Variants in DENND1A observed in about 807,000 individuals in gnomAD.
DENND1A encodes the protein DENN domain containing 1A.
Under a neutral mutation model 113.7 loss-of-function variants are expected in DENND1A, and 51 were observed. That is an observed-to-expected ratio of 0.45 (90% CI 0.36 to 0.57). The LOEUF (loss-of-function observed/expected upper bound fraction) is 0.57, where lower values mean the gene tolerates loss of function less well. Among genes scored for constraint, DENND1A ranks in the 20% least tolerant of loss-of-function variants. The pLI is 0.00. For synonymous variants in DENND1A, 565 were observed against 570.8 expected, an observed-to-expected ratio of 0.99 and a Z score of 0.14; for missense variants, 1,258 against 1,395.9, an observed-to-expected ratio of 0.90 and a Z score of 1.57.
chr9:123,607,443 G>C (rs1485009326), intron 11 of DENND1A, among the ~76,000 whole-genome samples: 1 of 143,920 alleles, frequency 6.9e-6, no homozygotes, highest in Admixed American at 6.8e-5. Context: ...ACAGTGGAAG[G>C]GGAGTGGAGT....
intron 13 of DENND1A, among the ~76,000 whole-genome samples, chr9:123,543,904 CAG>C (rs2056466370): frequency 2.0e-5 from 2 of 99,878 alleles, no homozygotes; most frequent in Admixed American, 1.7e-4. Context: ...TCTTATTTGT[CAG>C]TGTGTGTGCA....
chr9:123,713,108 C>G (rs1452936657), intron 5 of DENND1A, among the ~76,000 whole-genome samples: 1 of 152,150 alleles, frequency 6.6e-6, no homozygotes, highest in Non-Finnish European at 1.5e-5. Flanking sequence ...CAGAAAATCC[C>G]TGACCGAGAG....
At chr9:123,768,835 C>G (rs934761465) in intron 4 of DENND1A, among the ~76,000 whole-genome samples, 6 of 148,516 alleles carry the variant, frequency 4.0e-5, no homozygotes, top group African/African-American at 1.5e-4. Context: ...TTATCATTAA[C>G]CAGTGGCTCG....
rs937440343 is a variant in DENND1A, at chr9:123,422,937, G to A, written c.1489-11108C>T. On this transcript the variant is annotated intron_variant, in intron 19 of 23. Coordinates refer to ENST00000394215, the MANE Select transcript of DENND1A (RefSeq NM_001352964.2). This position sits in a 1 kb window ranked among gnomAD's most constrained non-coding sequence, Gnocchi z 4.8. ...CAGTTCGACTGCCTTATTAAACACC[G>A]CCAGGATCCTAACGAAGACCAACTG... Among the ~76,000 whole-genome samples, 1 of 152,172 alleles carries A rather than the reference G, an allele frequency of 6.6e-6. No homozygotes were observed. Among genetic ancestry groups the A allele is most frequent in the African/African-American group, 2.4e-5 (1 of 41,436 alleles).
At chr9:123,841,423 T>C (rs1049128992) in intron 2 of DENND1A, among the ~76,000 whole-genome samples, 1 of 152,226 alleles carries the variant, frequency 6.6e-6, no homozygotes, top group Non-Finnish European at 1.5e-5. Flanking sequence ...AATTACCTAA[T>C]TTTCAGTGTT....
At chr9:123,847,736 A>G (rs1235088480) in intron 2 of DENND1A, among the ~76,000 whole-genome samples, 1 of 152,170 alleles carries the variant, frequency 6.6e-6, no homozygotes, top group Admixed American at 6.5e-5. Context: ...GGAGTTTGAG[A>G]CCTGCCTGGC....
At chr9:123,497,813 CAAAAAAAAA>C (rs755257150) in intron 13 of DENND1A, among the ~76,000 whole-genome samples, 12 of 101,776 alleles carry the variant, frequency 1.2e-4, no homozygotes, top group East Asian at 8.4e-4. Context: ...CTCTTCCATC[CAAAAAAAAA>C]AAAAAAAAAG....
At chr9:123,437,332 C>A (rs2132266486) in intron 19 of DENND1A, among the ~76,000 whole-genome samples, 1 of 152,354 alleles carries the variant, frequency 6.6e-6, no homozygotes, top group East Asian at 1.9e-4. Context: ...CTGGCAGTAG[C>A]AGCTCTTGCC....
Position 123,422,032 on chromosome 9 carries a change from C to T in DENND1A, c.1489-10203G>A, listed in dbSNP as rs891162883. On this transcript the variant is annotated intron_variant, in intron 19 of 23. Coordinates refer to ENST00000394215, the MANE Select transcript of DENND1A (RefSeq NM_001352964.2). The surrounding 1 kb of genome is among the most constrained non-coding windows in gnomAD (Gnocchi z 4.8). ...CCTGCATCCCTCACGACTCTGTTCCCTTCCCCCAGAAGTTCTCTCTCTATT... is the reference window on the plus strand; with the variant it reads ...CCTGCATCCCTCACGACTCTGTTCCTTTCCCCCAGAAGTTCTCTCTCTATT... Among the ~76,000 whole-genome samples the T allele has an allele frequency of 1.3e-5, 2 of 152,212 alleles. No individual in the cohort carries two copies. The highest frequency in any genetic ancestry group is 4.8e-5 in the African/African-American group (2 of 41,442).
At chr9:123,491,261 C>T (rs2133976805) in intron 13 of DENND1A, among the ~76,000 whole-genome samples, 1 of 152,332 alleles carries the variant, frequency 6.6e-6, no homozygotes, top group South Asian at 2.1e-4. Flanking sequence ...GCAAAAGAGG[C>T]TATCTGTGTG....
intron 13 of DENND1A, among the ~76,000 whole-genome samples, chr9:123,522,621 C>T (rs996550095): frequency 6.6e-6 from 1 of 152,240 alleles, no homozygotes; most frequent in African/African-American, 2.4e-5. Flanking sequence ...GTCCATACTT[C>T]ACACCAAAGT....
At chr9:123,407,048 G>C (rs1028155247) in intron 20 of DENND1A, among the ~76,000 whole-genome samples, 7 of 152,118 alleles carry the variant, frequency 4.6e-5, no homozygotes, top group Admixed American at 4.6e-4. Context: ...TGAGCTGTCA[G>C]AGTGCCGCTG....
intron 13 of DENND1A, among the ~76,000 whole-genome samples, chr9:123,504,949 A>T (rs2052790012): frequency 6.6e-6 from 1 of 152,234 alleles, no homozygotes; most frequent in African/African-American, 2.4e-5. Flanking sequence ...CATACAGAAA[A>T]GACTACAAGA....
intron 4 of DENND1A, among the ~76,000 whole-genome samples, chr9:123,766,442 T>A (rs553410232): frequency 6.6e-6 from 1 of 152,182 alleles, no homozygotes; most frequent in Non-Finnish European, 1.5e-5. Context: ...GTAAAAAAGA[T>A]ACCACCATCT....
intron 10 of DENND1A, among the ~76,000 whole-genome samples, chr9:123,619,889 T>A (rs1399409931): frequency 6.6e-6 from 1 of 152,124 alleles, no homozygotes; most frequent in Non-Finnish European, 1.5e-5. Context: ...CTTCTTTACC[T>A]AATTTTTCCA....
At chr9:123,597,002 C>T (rs1423258613) in intron 11 of DENND1A, among the ~76,000 whole-genome samples, 4 of 152,192 alleles carry the variant, frequency 2.6e-5, no homozygotes, top group Non-Finnish European at 5.9e-5. Context: ...AACAATAGAA[C>T]TTGAATTTAA....
rs530522901 is a variant in DENND1A, at chr9:123,545,844, T to C, written c.993+11726A>G. ...ACTTAGCACCATTTCAGGCTGCAAA[T>C]TGTCAAATGTTATCATTGCTTGAAA... On this transcript the variant is annotated intron_variant, in intron 13 of 23. Transcript: ENST00000394215. Among the ~76,000 whole-genome samples, 3 of 152,238 alleles carry C rather than the reference T, an allele frequency of 2.0e-5. No homozygotes were observed. In the East Asian group the frequency reaches 5.8e-4, roughly 29 times the overall value.
rs550599522 is a variant in DENND1A at position 123,780,399 on chromosome 9, T to G, written c.133-10836A>C. Among the ~76,000 whole-genome samples, 7 of 152,198 alleles carry G rather than the reference T, an allele frequency of 4.6e-5. No individual in the cohort carries two copies. The South Asian group carries it at 1.2e-3, about 27-fold the overall frequency. ...AGAGGAAACATCCAGTGAATGATGG[T>G]GCTGAAAAAAATGATTGGATGATAG... On this transcript the variant is annotated intron_variant, in intron 3 of 23. Transcript: ENST00000394215.
chr9:123,458,221 G>A (rs181694544), intron 13 of DENND1A, among the ~76,000 whole-genome samples: 277 of 151,946 alleles, frequency 1.8e-3, no homozygotes, highest in Non-Finnish European at 3.0e-3. Context: ...GGCTGGTCTC[G>A]AACTCCTGAA....
Sources: gnomAD v4.1 joint callset for allele counts (sites outside exome capture counted in the v4.1 genomes callset) on GRCh38, gnomAD v4.1.1 for gene constraint, Gnocchi (gnomAD v3.1) non-coding constraint, MANE v1.5 for transcripts, NCBI Gene and HGNC (gene_info 2026-07-23, HGNC 2026-07-21) for gene names.